The following ADAMTS14 variants were observed in gnomAD, a reference collection of about 807,000 sequenced individuals.
The protein encoded by ADAMTS14 is A disintegrin and metalloproteinase with thrombospondin motifs 14.
In ADAMTS14, 100 loss-of-function variants were observed where a neutral mutation model predicts 128.6. That is an observed-to-expected ratio of 0.78 (90% CI 0.66 to 0.92). The LOEUF (loss-of-function observed/expected upper bound fraction) is 0.92, where lower values mean the gene tolerates loss of function less well. Among genes scored for constraint, ADAMTS14 ranks in the 40% least tolerant of loss-of-function variants. ADAMTS14 has a pLI of 0.00. For missense variants in ADAMTS14, 1,562 were observed against 1,658.6 expected (o/e 0.94, Z 1.01); for synonymous variants, 665 against 653.8 (o/e 1.02, Z -0.26).
rs997221056 is a variant in ADAMTS14 at position 70,762,300 on chromosome 10, G to A, written c.*1447G>A. 6.6e-6 allele frequency: 1 copy of A among 151,554 alleles called. No individual in the cohort carries two copies. Among genetic ancestry groups the A allele is most frequent in the Admixed American group, 6.6e-5 (1 of 15,248 alleles). 9.4% of individuals were successfully genotyped at this position (151,554 alleles called of 1,614,324 possible). A position where few individuals can be genotyped will look rare whatever the true frequency, so the allele number is the denominator to read the frequency against. ...GGGGGCTCCCCGCCCTCCCCCTGTT[G>A]CCCTCCCCTCCCTGGGATGCTGGGG... On this transcript the variant is annotated 3_prime_UTR_variant, in exon 22 of 22. Coordinates refer to ENST00000373207, the MANE Select transcript of ADAMTS14 (RefSeq NM_080722.4).
chr10:70,724,726 G>A (rs142869951), intron 4 of ADAMTS14, among the ~76,000 whole-genome samples: 7 of 152,288 alleles, frequency 4.6e-5, no homozygotes, highest in Admixed American at 1.3e-4. Flanking sequence ...GCAGATGAGC[G>A]TACCAGGGCG....
At chr10:70,749,699 A>G (rs573802928) in intron 15 of ADAMTS14, 123 bp from the exon 16 acceptor site, 2 of 1,266,628 alleles carry the variant, frequency 1.6e-6, no homozygotes, top group East Asian at 2.6e-5. Flanking sequence ...CTTGGGTGGG[A>G]AGGAAAGGCC....
intron 2 of ADAMTS14, among the ~76,000 whole-genome samples, chr10:70,690,267 G>A (rs1389598634): frequency 6.9e-6 from 1 of 144,524 alleles, no homozygotes; most frequent in African/African-American, 2.5e-5. Context: ...GTAAGAGTGT[G>A]GCCAAATCTG....
chr10:70,753,813 G>C lies in ADAMTS14; in HGVS notation c.2743G>C (p.Glu915Gln). 1 of 1,583,046 alleles carries C rather than the reference G, an allele frequency of 6.3e-7. No individual in the cohort carries two copies. The highest frequency in any genetic ancestry group is 8.6e-7 in the Non-Finnish European group (1 of 1,164,868). Residue 915 changes from glutamate (E) to glutamine (Q), a missense_variant, in exon 19 of 22, where the codon GAG (glutamate) becomes CAG (glutamine). Transcript: ENST00000373207. ...CCCTGTTTCCAGGTGGGTGACGGAG[G>C]AGTGGGGTGCCTGCAGCCGGAGCTG... is the stretch of plus-strand genomic sequence containing the variant. ...PCSQPVWVTE[E>Q]WGACSRSCGK...
intron 12 of ADAMTS14, among the ~76,000 whole-genome samples, 162 bp from the exon 13 acceptor site, chr10:70,743,386 T>C (rs1429224023): frequency 2.0e-5 from 3 of 152,198 alleles, no homozygotes; most frequent in Non-Finnish European, 4.4e-5. Context: ...ACATGGCTAA[T>C]AAGTGACACA....
intron 2 of ADAMTS14, among the ~76,000 whole-genome samples, chr10:70,687,360 CG>C (rs1465488337): frequency 1.5e-5 from 1 of 68,962 alleles, no homozygotes; most frequent in Non-Finnish European, 3.0e-5. Flanking sequence ...CCCTCCCGGA[CG>C]GGGCGGCTGG....
At position 70,732,357 on chromosome 10, in the gene ADAMTS14, C is replaced by T. The variant is rs145783308; in HGVS notation, c.1206C>T (p.His402=). The T allele has an allele frequency of 4.3e-5, 70 of 1,613,018 alleles. No homozygotes were observed. The African/African-American group carries it at 6.1e-4, about 14-fold the overall frequency. The part of the protein sequence containing the change: ...SAFVIAHETG[H]VLGMEHDGQG... Reference sequence around the variant, plus strand: ...TCGTGATAGCTCATGAGACCGGCCACGTGTAAGTGGCAGCAGCACGGTGGG... The same window carrying T: ...TCGTGATAGCTCATGAGACCGGCCATGTGTAAGTGGCAGCAGCACGGTGGG... Residue 402 remains histidine, a splice_region_variant and synonymous_variant, in exon 7 of 22, where the codon CAC becomes CAT. Transcript: ENST00000373207.
rs202093253 is a variant in ADAMTS14 at position 70,730,178 on chromosome 10, G to A, written c.1031G>A (p.Arg344His). 1.1e-5 allele frequency: 18 copies of A among 1,613,758 alleles called. No homozygotes were observed. In the Middle Eastern group the frequency reaches 5.0e-4, roughly 45 times the overall value. ...QVCRWAHSQQ[R>H]QDPSHAEHHD... ...TGTCGCTGGGCACACTCCCAGCAGCGCCAGGACCCCAGCCACGCTGAGCAC... is the reference window on the plus strand; with the variant it reads ...TGTCGCTGGGCACACTCCCAGCAGCACCAGGACCCCAGCCACGCTGAGCAC... The change falls in exon 6 of 22, where the codon CGC becomes CAC. Residue 344 changes from arginine to histidine, a missense_variant. Transcript: ENST00000373207.
intron 14 of ADAMTS14, among the ~76,000 whole-genome samples, chr10:70,744,469 T>C (rs1842113312): frequency 6.6e-6 from 1 of 152,208 alleles, no homozygotes; most frequent in African/African-American, 2.4e-5. Context: ...CGGCCATCCC[T>C]TGGACCTTGG....
intron 19 of ADAMTS14, among the ~76,000 whole-genome samples, chr10:70,756,559 A>G (rs1842483390): frequency 6.6e-6 from 1 of 152,224 alleles, no homozygotes. Flanking sequence ...GGTCTTCAGT[A>G]TGTCCAAAGA....
chr10:70,672,967 G>A (rs1839527640), intron 1 of ADAMTS14, 83 bp downstream of exon 1: 4 of 1,353,302 alleles, frequency 3.0e-6, no homozygotes, highest in South Asian at 1.8e-5. Flanking sequence ...CCAGCCACCC[G>A]GGCAGGGTTC....
At chr10:70,734,140 C>T (rs117768208) in intron 8 of ADAMTS14, 112 bp downstream of exon 8, 53,029 of 1,398,582 alleles carry the variant, frequency 0.038, 1,183 homozygotes, top group Middle Eastern at 0.045. Context: ...TTGACTCTTC[C>T]GTGACTCATC....
intron 3 of ADAMTS14, among the ~76,000 whole-genome samples, chr10:70,704,888 A>G (rs2132602695): frequency 6.6e-6 from 1 of 152,150 alleles, no homozygotes; most frequent in East Asian, 1.9e-4. Context: ...TCAAACACTG[A>G]CAAACACATG....
intron 15 of ADAMTS14, among the ~76,000 whole-genome samples, chr10:70,745,756 G>C (rs944834379): frequency 6.6e-6 from 1 of 152,158 alleles, no homozygotes; most frequent in Non-Finnish European, 1.5e-5. Context: ...GCTCTGTGGG[G>C]TGGTTCTTCT....
chr10:70,673,082 G>T (rs913323595), intron 1 of ADAMTS14, among the ~76,000 whole-genome samples, 198 bp downstream of exon 1: 12 of 152,328 alleles, frequency 7.9e-5, no homozygotes, highest in African/African-American at 2.9e-4. Context: ...GGTACTAGAA[G>T]TAGACAGAGA....
At chr10:70,703,413 G>A (rs1840555968) in intron 3 of ADAMTS14, among the ~76,000 whole-genome samples, 1 of 152,230 alleles carries the variant, frequency 6.6e-6, no homozygotes, top group African/African-American at 2.4e-5. Flanking sequence ...AGAAATGCCT[G>A]GAAGCTAGTT....
At chr10:70,694,953 A>G (rs1220167685) in intron 2 of ADAMTS14, among the ~76,000 whole-genome samples, 1 of 152,170 alleles carries the variant, frequency 6.6e-6, no homozygotes, top group African/African-American at 2.4e-5. Flanking sequence ...GTATTGCCAG[A>G]CCGTTTTCAA....
intron 10 of ADAMTS14, 48 bp from the exon 11 acceptor site, chr10:70,738,794 T>TCAG (rs760444911): frequency 3.1e-6 from 5 of 1,611,840 alleles, no homozygotes; most frequent in South Asian, 1.1e-5. Flanking sequence ...CCGGGTGGGC[T>TCAG]CAGCAGCAGC....
intron 3 of ADAMTS14, among the ~76,000 whole-genome samples, chr10:70,703,871 C>T (rs911478536): frequency 1.3e-5 from 2 of 152,222 alleles, no homozygotes; most frequent in African/African-American, 4.8e-5. Flanking sequence ...GAGGCCAGGC[C>T]CTGGTCCATC....
Sources: allele counts gnomAD v4.1 joint callset (sites outside exome capture counted in the v4.1 genomes callset), GRCh38; gene constraint gnomAD v4.1.1; transcripts MANE v1.5; gene names NCBI Gene and HGNC (gene_info 2026-07-23, HGNC 2026-07-21).